FOXP1: variants seen among roughly 807,000 people sequenced by gnomAD.
FOXP1 encodes forkhead box P1.
A neutral mutation model predicts 98.2 loss-of-function variants in FOXP1; 15 were observed. That is an observed-to-expected ratio of 0.15 (90% confidence interval 0.10 to 0.24). The LOEUF is 0.24. Among genes scored for constraint, FOXP1 ranks in the 10% least tolerant of loss-of-function variants. The pLI is 1.00. For synonymous variants in FOXP1, 371 were observed against 314.5 expected (o/e 1.18, Z -1.90); for missense variants, 633 against 848.5 (o/e 0.75, Z 3.15).
chr3:71,082,018 C>A (rs113075620), intron 7 of FOXP1, among the ~76,000 whole-genome samples: 5,151 of 152,226 alleles, frequency 0.034, 289 homozygotes, highest in African/African-American at 0.12. Flanking sequence ...GTGGCTCACG[C>A]CTGTAATCCC....
intron 5 of FOXP1, among the ~76,000 whole-genome samples, chr3:71,202,881 T>A (rs535454832): frequency 1.1e-4 from 16 of 152,186 alleles, no homozygotes; most frequent in Non-Finnish European, 5.9e-5. Context: ...ATCAAGTCAA[T>A]ATATAGGAGA....
chr3:71,308,390 C>T (rs2074429386), intron 4 of FOXP1, among the ~76,000 whole-genome samples: 1 of 152,150 alleles, frequency 6.6e-6, no homozygotes, highest in Non-Finnish European at 1.5e-5. Flanking sequence ...CTCTACAGTC[C>T]AGATGGGGAC....
At chr3:71,432,866 A>AAAAAAAAAAAAAC (rs142495025) in intron 3 of FOXP1, among the ~76,000 whole-genome samples, 1 of 138,462 alleles carries the variant, frequency 7.2e-6, no homozygotes, top group Non-Finnish European at 1.6e-5. Context: ...AAAAAAAAAA[A>AAAAAAAAAAAAAC]TTAAAAAAAA....
chr3:70,966,760 A>C (rs2034876497), intron 19 of FOXP1, among the ~76,000 whole-genome samples: 1 of 152,216 alleles, frequency 6.6e-6, no homozygotes, highest in Admixed American at 6.5e-5. Context: ...GCCAAAGTAC[A>C]TCAATATTAA....
rs941386722 is a variant in FOXP1, at chr3:71,544,378, GA to G, written c.-298+37170del. Among the ~76,000 whole-genome samples, 432 of 120,564 alleles carry G rather than the reference GA, an allele frequency of 3.6e-3. 1 individual carries two copies. The highest frequency in any genetic ancestry group is 7.7e-3 in the African/African-American group (252 of 32,670). 79.1% of individuals were successfully genotyped at this position (120,564 alleles called of 152,430 possible). On this transcript the variant is annotated intron_variant, in intron 2 of 20. Transcript: ENST00000649528. ...TGTATCAAAGGAAAGTAAAGAAATG[GA>G]AAAAAAAAAAAAGGAAAATTTGGAA...
rs913974436 is a variant in FOXP1 at position 70,955,520 on chromosome 3, T to C, written c.*3727A>G. 8.6e-6 allele frequency: 2 copies of C among 232,322 alleles called. No individual in the cohort carries two copies. Among genetic ancestry groups the C allele is most frequent in the Non-Finnish European group, 1.7e-5 (2 of 117,836 alleles). The allele number at this position is 232,322 out of a possible 1,614,324, so 14.4% of individuals were successfully genotyped here. On this transcript the variant is annotated 3_prime_UTR_variant, in exon 21 of 21. Transcript: ENST00000649528. ...CTACCTCCCTAATGTATGCTTTTCTTTGAGAAAAAAAAAGTAACAGATTTT... is the reference window on the plus strand; with the variant it reads ...CTACCTCCCTAATGTATGCTTTTCTCTGAGAAAAAAAAAGTAACAGATTTT...
At chr3:71,354,933 G>T (rs2107866205) in intron 4 of FOXP1, among the ~76,000 whole-genome samples, 1 of 152,334 alleles carries the variant, frequency 6.6e-6, no homozygotes, top group Non-Finnish European at 1.5e-5. Context: ...GAGTGTTGGG[G>T]TTTGAGCTTG....
chr3:71,469,065 A>G (rs755260285), intron 3 of FOXP1, among the ~76,000 whole-genome samples: 1 of 152,186 alleles, frequency 6.6e-6, no homozygotes, highest in Non-Finnish European at 1.5e-5. Flanking sequence ...CAGAGAGGAA[A>G]TGACAGTGCA....
At chr3:71,571,971 T>C (rs541399464) in intron 2 of FOXP1, 1 of 152,350 alleles carries the variant, frequency 6.6e-6, no homozygotes, top group East Asian at 1.9e-4. Context: ...TCTTTATTTA[T>C]ATGGCTTTCT....
At chr3:71,268,354 A>G (rs1279828650) in intron 5 of FOXP1, among the ~76,000 whole-genome samples, 1 of 152,110 alleles carries the variant, frequency 6.6e-6, no homozygotes, top group East Asian at 2.0e-4. Flanking sequence ...AAAGTATTCC[A>G]AAATGCTTGA....
intron 5 of FOXP1, among the ~76,000 whole-genome samples, chr3:71,279,691 A>T (rs2071306258): frequency 2.0e-5 from 3 of 152,208 alleles, no homozygotes; most frequent in Admixed American, 1.3e-4. Context: ...CATAGCTATA[A>T]AGTAATAATA....
intron 5 of FOXP1, among the ~76,000 whole-genome samples, chr3:71,225,008 T>TTG (rs1210724937): frequency 1.3e-5 from 2 of 152,134 alleles, no homozygotes; most frequent in Non-Finnish European, 2.9e-5. Context: ...ACCTATACAA[T>TTG]ACCTGCAATA....
chr3:71,138,779 G>A lies in FOXP1; in HGVS notation c.181-26142C>T, dbSNP rs576366044. On this transcript the variant is annotated intron_variant, in intron 6 of 20. Coordinates refer to ENST00000649528, the MANE Select transcript of FOXP1 (RefSeq NM_001349338.3). ...GATAGGAGCACATTCACTGGCACGCGACCTGTGAAAAATCTTAGATCTCTT... is the reference window on the plus strand; with the variant it reads ...GATAGGAGCACATTCACTGGCACGCAACCTGTGAAAAATCTTAGATCTCTT... Among the ~76,000 whole-genome samples, 9 of 152,192 alleles carry A rather than the reference G, an allele frequency of 5.9e-5. No individual in the cohort carries two copies. The South Asian group carries it at 1.7e-3, about 28-fold the overall frequency.
intron 2 of FOXP1, among the ~76,000 whole-genome samples, chr3:71,538,924 A>C (rs763700187): frequency 4.6e-4 from 70 of 152,106 alleles, no homozygotes; most frequent in Non-Finnish European, 9.7e-4. Context: ...TCTGTTAAGA[A>C]GACTATTCTT....
chr3:71,296,490 C>A (rs1467572698), intron 5 of FOXP1: 1 of 152,100 alleles, frequency 6.6e-6, no homozygotes, highest in Non-Finnish European at 1.5e-5. Context: ...TTTGAAAGAT[C>A]TTTCACCTTG....
chr3:70,958,197 AAAAAAAAAAAAAGAAAAG>A lies in FOXP1; in HGVS notation c.*1032_*1049del. 1 of 156,088 alleles carries A rather than the reference AAAAAAAAAAAAAGAAAAG, an allele frequency of 6.4e-6. No individual in the cohort carries two copies. The highest frequency in any genetic ancestry group is 1.3e-5 in the Non-Finnish European group (1 of 78,522). The allele number at this position is 156,088 out of a possible 1,614,324, so 9.7% of individuals were successfully genotyped here. Reference sequence around the variant, plus strand: ...GGTGGCATTTATTAATGGTTGCTGCAAAAAAAAAAAAAGAAAAGAAAAGAAAAAAAGAAAATCCGAAAC... The same window carrying A: ...GGTGGCATTTATTAATGGTTGCTGCAAAAAGAAAAAAAGAAAATCCGAAAC... On this transcript the variant is annotated 3_prime_UTR_variant, in exon 21 of 21. Transcript: ENST00000649528.
intron 3 of FOXP1, among the ~76,000 whole-genome samples, chr3:71,368,443 T>C (rs1476753594): frequency 6.6e-6 from 1 of 152,122 alleles, no homozygotes; most frequent in Non-Finnish European, 1.5e-5. Flanking sequence ...GGGATTTAAA[T>C]GAAAGACATC....
In FOXP1 at chr3:71,153,545, GAAA is replaced by G. The variant is rs11343142; in HGVS notation, c.181-40911_181-40909del. ...ACCTAAGAATTAGTACCATGCTTGA[GAAA>G]AAAAAAAAAAAAAGCTATTAATACA... is the stretch of plus-strand genomic sequence containing the variant. On this transcript the variant is annotated intron_variant, in intron 6 of 20. Transcript: ENST00000649528. 6.0e-4 allele frequency among the ~76,000 whole-genome samples: 64 copies of G among 106,706 alleles called. 1 individual carries two copies. Among genetic ancestry groups the G allele is most frequent in the South Asian group, 4.5e-3 (16 of 3,564 alleles). The allele number at this position is 106,706 out of a possible 152,430, so 70.0% of individuals were successfully genotyped here.
At chr3:71,028,467 G>C (rs1238360264) in intron 11 of FOXP1, among the ~76,000 whole-genome samples, 1 of 152,172 alleles carries the variant, frequency 6.6e-6, no homozygotes, top group Non-Finnish European at 1.5e-5. Context: ...TTCCTCCAGG[G>C]GGATTCTGAG....
Sources: allele counts gnomAD v4.1 joint callset (sites outside exome capture counted in the v4.1 genomes callset), GRCh38; gene constraint gnomAD v4.1.1; transcripts MANE v1.5; gene names NCBI Gene and HGNC (gene_info 2026-07-23, HGNC 2026-07-21).